ERC1: variants seen among roughly 807,000 people sequenced by gnomAD.
ERC1 encodes RAB6 interacting protein 2.
A neutral mutation model predicts 132.0 loss-of-function variants in ERC1; 56 were observed. That is an observed-to-expected ratio of 0.42 (90% CI 0.34 to 0.53). The LOEUF (loss-of-function observed/expected upper bound fraction) is 0.53. Among genes scored for constraint, ERC1 ranks in the 20% least tolerant of loss-of-function variants. ERC1 has a pLI of 0.03. For synonymous variants in ERC1, 478 were observed against 476.1 expected, an observed-to-expected ratio of 1.00 and a Z score of -0.05; for missense variants, 1,202 against 1,349.9, an observed-to-expected ratio of 0.89 and a Z score of 1.72.
At chr12:1,040,706 T>TC (rs560350742) in intron 2 of ERC1, among the ~76,000 whole-genome samples, 11 of 152,092 alleles carry the variant, frequency 7.2e-5, no homozygotes, top group Non-Finnish European at 1.3e-4. Context: ...CTGAACCCTT[T>TC]CCCCCTTTAT....
rs1310230111 is a variant in ERC1 at position 1,329,000 on chromosome 12, A to AG, written c.2780+38988_2780+38989insG. On this transcript the variant is annotated intron_variant, in intron 15 of 18. Transcript: ENST00000360905. ...TAAAAGTTACTAAAAAAAAAAAAAA[A>AG]AAAGCCTTAGCGACCAGGCACGGTG... is the stretch of plus-strand genomic sequence containing the variant. Among the ~76,000 whole-genome samples the AG allele has an allele frequency of 3.4e-5, 5 of 146,474 alleles. 1 individual carries two copies. The highest frequency in any genetic ancestry group is 7.5e-5 in the Non-Finnish European group (5 of 66,892).
rs1479155394 is a variant in ERC1, at chr12:991,283, C to CG, written c.-196_-195insG. The CG allele has an allele frequency of 8.0e-5, 7 of 87,130 alleles. No individual in the cohort carries two copies. Among genetic ancestry groups the CG allele is most frequent in the African/African-American group, 5.8e-4 (7 of 12,134 alleles). 5.4% of individuals were successfully genotyped at this position (87,130 alleles called of 1,614,324 possible). ...GCGGTAGTGGCGGCGGCGGCGGTGC[C>CG]TGGGCGGCAGCAGCAGCAGTAGCGG... On this transcript the variant is annotated 5_prime_UTR_variant, in exon 1 of 19. Coordinates refer to ENST00000360905, the MANE Select transcript of ERC1 (RefSeq NM_178040.4).
intron 2 of ERC1, among the ~76,000 whole-genome samples, chr12:1,060,919 G>C (rs921495955): frequency 3.9e-5 from 6 of 151,962 alleles, no homozygotes; most frequent in African/African-American, 1.5e-4. Context: ...AGTAGAACGA[G>C]GTTTCACCGT....
At chr12:1,069,724 C>T (rs1939973870) in intron 2 of ERC1, among the ~76,000 whole-genome samples, 1 of 152,048 alleles carries the variant, frequency 6.6e-6, no homozygotes, top group South Asian at 2.1e-4. Context: ...TGGGAAACAC[C>T]TCATAATCAA....
chr12:1,125,814 TCAAAA>T (rs1354511669), intron 7 of ERC1, among the ~76,000 whole-genome samples: 3 of 152,214 alleles, frequency 2.0e-5, no homozygotes, highest in African/African-American at 4.8e-5. Context: ...AGACTCCGTC[TCAAAA>T]CAAAACAAAC....
intron 12 of ERC1, among the ~76,000 whole-genome samples, chr12:1,201,270 A>C (rs1956891418): frequency 6.6e-6 from 1 of 152,134 alleles, no homozygotes; most frequent in African/African-American, 2.4e-5. Context: ...AATTGGTATA[A>C]CTTTTTTTCT....
At chr12:1,376,513 G>A (rs550265520) in intron 16 of ERC1, among the ~76,000 whole-genome samples, 19 of 152,318 alleles carry the variant, frequency 1.2e-4, no homozygotes, top group East Asian at 1.9e-4. Flanking sequence ...ACTGTCGTGC[G>A]CAGGGCACAG....
chr12:1,376,639 A>G (rs1317223061), intron 16 of ERC1, among the ~76,000 whole-genome samples: 19 of 152,252 alleles, frequency 1.2e-4, no homozygotes, highest in Admixed American at 1.2e-3. Flanking sequence ...AAGAAGACTA[A>G]GCGGTGGAGC....
At chr12:1,463,567 C>T (rs769203568) in intron 18 of ERC1, among the ~76,000 whole-genome samples, 31 of 152,182 alleles carry the variant, frequency 2.0e-4, no homozygotes, top group Non-Finnish European at 2.9e-4. Context: ...CTAAGGGCAG[C>T]ATAGTGTGAG....
intron 16 of ERC1, chr12:1,390,636 C>T: frequency 6.6e-6 from 1 of 152,100 alleles, no homozygotes; most frequent in East Asian, 1.9e-4. Context: ...AGTTCATCTC[C>T]CGGAGGTGGG....
intron 7 of ERC1, among the ~76,000 whole-genome samples, chr12:1,131,606 T>C (rs938058297): frequency 2.7e-5 from 4 of 147,136 alleles, no homozygotes; most frequent in African/African-American, 1.0e-4. Context: ...GGATTACAGG[T>C]GCCCACCACC....
At chr12:1,015,860 G>T (rs1965427319) in intron 1 of ERC1, among the ~76,000 whole-genome samples, 1 of 152,128 alleles carries the variant, frequency 6.6e-6, no homozygotes, top group African/African-American at 2.4e-5. Flanking sequence ...ATTTATGTGA[G>T]AATTTCACAT....
chr12:1,486,281 TA>T (rs1302625096), intron 18 of ERC1, among the ~76,000 whole-genome samples: 1 of 152,242 alleles, frequency 6.6e-6, no homozygotes, highest in African/African-American at 2.4e-5. Flanking sequence ...CACACATACA[TA>T]AAGCCTCAAG....
intron 15 of ERC1, among the ~76,000 whole-genome samples, chr12:1,368,516 T>A (rs1321234287): frequency 6.6e-6 from 1 of 152,202 alleles, no homozygotes; most frequent in African/African-American, 2.4e-5. Flanking sequence ...CATTTCTGAG[T>A]TTAGACACTC....
At chr12:1,252,516 A>G (rs768977767) in intron 13 of ERC1, among the ~76,000 whole-genome samples, 1 of 152,128 alleles carries the variant, frequency 6.6e-6, no homozygotes, top group Non-Finnish European at 1.5e-5. Flanking sequence ...CCCAGTCTGT[A>G]TGGGATATTT....
intron 12 of ERC1, among the ~76,000 whole-genome samples, chr12:1,201,768 G>A (rs1956936764): frequency 6.6e-6 from 1 of 152,164 alleles, no homozygotes; most frequent in Admixed American, 6.5e-5. Context: ...TAAGCCGTAT[G>A]CAAGATTGAC....
chr12:1,062,198 T>C (rs1938135274), intron 2 of ERC1, among the ~76,000 whole-genome samples: 1 of 152,106 alleles, frequency 6.6e-6, no homozygotes, highest in Admixed American at 6.6e-5. Context: ...TTAGCCAGGA[T>C]GGTCTTGATC....
chr12:1,321,325 C>T (rs1268757296), intron 15 of ERC1, among the ~76,000 whole-genome samples: 1 of 148,680 alleles, frequency 6.7e-6, no homozygotes, highest in Admixed American at 6.7e-5. Flanking sequence ...GCATATGATA[C>T]GTGTGTGTGT....
chr12:1,325,475 A>C (rs1312182917), intron 15 of ERC1, among the ~76,000 whole-genome samples: 3 of 152,184 alleles, frequency 2.0e-5, no homozygotes, highest in Non-Finnish European at 4.4e-5. Flanking sequence ...CTGTAAGAAA[A>C]CAGTCCTTAG....
Sources: gnomAD v4.1 joint callset for allele counts (sites outside exome capture counted in the v4.1 genomes callset) on GRCh38, gnomAD v4.1.1 for gene constraint, MANE v1.5 for transcripts, NCBI Gene and HGNC (gene_info 2026-07-23, HGNC 2026-07-21) for gene names.